The following NKAIN3 variants were observed in gnomAD, a reference collection of about 807,000 sequenced individuals.
NKAIN3 encodes sodium/potassium-transporting ATPase subunit beta-1-interacting protein 3.
Under a neutral mutation model 30.2 loss-of-function variants are expected in NKAIN3, and 25 were observed. The ratio of observed to expected loss-of-function variants is 0.83; its 90% CI spans 0.60 to 1.16. The LOEUF is 1.16. Ranked by LOEUF, NKAIN3 falls within the 50% of genes most tolerant of loss-of-function variation. NKAIN3 has a pLI of 0.00. For missense variants in NKAIN3, 225 were observed against 254.1 expected (o/e 0.89, Z 0.78); for synonymous variants, 91 against 89.6 (o/e 1.02, Z -0.09).
chr8:62,745,460 G>A (rs1192381244), intron 3 of NKAIN3, among the ~76,000 whole-genome samples: 2 of 152,154 alleles, frequency 1.3e-5, no homozygotes, highest in Non-Finnish European at 2.9e-5. Flanking sequence ...GTCCTTGCCC[G>A]GGGACTGCTT....
intron 5 of NKAIN3, chr8:62,990,935 G>A (rs985734490): frequency 1.3e-5 from 2 of 152,208 alleles, no homozygotes; most frequent in African/African-American, 4.8e-5. Flanking sequence ...AAGGATGTGA[G>A]ATCATGGTGC....
intron 3 of NKAIN3, among the ~76,000 whole-genome samples, chr8:62,607,343 ACCC>A (rs1479512218): frequency 6.6e-6 from 1 of 151,956 alleles, no homozygotes. Context: ...CTGAATGCAC[ACCC>A]CCTGCTGGGG....
chr8:62,988,127 G>T (rs547929762), downstream of NKAIN3, among the ~76,000 whole-genome samples: 26 of 152,336 alleles, frequency 1.7e-4, no homozygotes, highest in South Asian at 2.9e-3. Context: ...CAAGAGGTGG[G>T]CTCCCACAGC....
At chr8:62,665,426 C>T (rs1039668587) in intron 3 of NKAIN3, among the ~76,000 whole-genome samples, 8 of 152,036 alleles carry the variant, frequency 5.3e-5, no homozygotes, top group Non-Finnish European at 7.4e-5. Context: ...TTCCAAGCTG[C>T]TGGGAGAGGT....
intron 1 of NKAIN3, among the ~76,000 whole-genome samples, chr8:62,551,192 T>A (rs2129935754): frequency 6.6e-6 from 1 of 152,280 alleles, no homozygotes; most frequent in Non-Finnish European, 1.5e-5. Context: ...TACATTAATT[T>A]TTTTTAATGG....
chr8:62,406,124 G>A (rs544600305), intron 1 of NKAIN3, among the ~76,000 whole-genome samples: 6 of 152,294 alleles, frequency 3.9e-5, no homozygotes, highest in African/African-American at 1.4e-4. Flanking sequence ...CCAAAGAGAA[G>A]TCACTCCTTA....
chr8:62,776,928 AG>A lies in NKAIN3; in HGVS notation c.471+29800del, dbSNP rs550397882. Among the ~76,000 whole-genome samples the A allele has an allele frequency of 3.9e-5, 6 of 152,258 alleles. 1 individual carries two copies. In the South Asian group the frequency reaches 1.2e-3, roughly 32 times the overall value. ...AAGTTTTTCAGCTTTTGTCTGAGAA[AG>A]TCTTTATTTCTCCTTCATGTTTAAA... On this transcript the variant is annotated intron_variant, in intron 4 of 6. Coordinates refer to ENST00000623646, the MANE Select transcript of NKAIN3 (RefSeq NM_001304533.3).
intron 1 of NKAIN3, among the ~76,000 whole-genome samples, chr8:62,576,315 C>T (rs1810107662): frequency 6.6e-6 from 1 of 152,030 alleles, no homozygotes; most frequent in Admixed American, 6.6e-5. Flanking sequence ...ATGCATTTTT[C>T]TTTAGGTCTG....
intron 3 of NKAIN3, among the ~76,000 whole-genome samples, chr8:62,606,678 A>G (rs999014531): frequency 2.0e-5 from 3 of 152,308 alleles, no homozygotes; most frequent in Admixed American, 1.3e-4. Flanking sequence ...TAAATGGGCC[A>G]TCTGATGTTT....
At chr8:62,987,085 G>A (rs987023841), downstream of NKAIN3, among the ~76,000 whole-genome samples, 8 of 152,076 alleles carry the variant, frequency 5.3e-5, no homozygotes, top group Non-Finnish European at 1.0e-4. Context: ...TACTAAAAGT[G>A]CACTCAATAT....
intron 2 of NKAIN3, among the ~76,000 whole-genome samples, chr8:62,582,434 A>C (rs1810333890): frequency 6.6e-6 from 1 of 152,142 alleles, no homozygotes; most frequent in Admixed American, 6.5e-5. Context: ...AGTGATACGA[A>C]GGAGCACACT....
intron 3 of NKAIN3, among the ~76,000 whole-genome samples, chr8:62,727,999 C>T (rs181394634): frequency 3.3e-5 from 5 of 152,126 alleles, no homozygotes; most frequent in Middle Eastern, 3.4e-3. Context: ...AGTTTTGTAA[C>T]TATATTATAT....
intron 3 of NKAIN3, among the ~76,000 whole-genome samples, chr8:62,644,119 T>A (rs1812389173): frequency 6.6e-6 from 1 of 152,040 alleles, no homozygotes; most frequent in Admixed American, 6.6e-5. Flanking sequence ...GCTGCTGGGG[T>A]CCCTTGACTT....
chr8:62,436,706 A>C (rs1020797729), intron 1 of NKAIN3, among the ~76,000 whole-genome samples: 10 of 152,202 alleles, frequency 6.6e-5, no homozygotes, highest in African/African-American at 2.4e-4. Context: ...TTTTTAAAAA[A>C]TAATGATGTT....
chr8:62,434,787 C>A (rs1805118322), intron 1 of NKAIN3, among the ~76,000 whole-genome samples: 1 of 152,136 alleles, frequency 6.6e-6, no homozygotes, highest in Admixed American at 6.6e-5. Flanking sequence ...ATCTGGGAAA[C>A]ACTGCAATCT....
Position 62,435,554 on chromosome 8 carries a change from G to T in NKAIN3, c.55-143985G>T, listed in dbSNP as rs377582064. Among the ~76,000 whole-genome samples, 27 of 152,188 alleles carry T rather than the reference G, an allele frequency of 1.8e-4. No homozygotes were observed. The East Asian group carries it at 4.4e-3, about 25-fold the overall frequency. ...CCATATCTTTACAAACAAACGAAGG[G>T]GAGTTGTTGCTAAAAAATCACTATG... On this transcript the variant is annotated intron_variant, in intron 1 of 6. Coordinates refer to ENST00000623646, the MANE Select transcript of NKAIN3 (RefSeq NM_001304533.3).
intron 1 of NKAIN3, among the ~76,000 whole-genome samples, chr8:62,376,600 A>G (rs16928815): frequency 0.14 from 21,030 of 152,072 alleles, 1,738 homozygotes; most frequent in East Asian, 0.4. Context: ...TGCTCTCTGT[A>G]ACATTGTACC....
intron 4 of NKAIN3, among the ~76,000 whole-genome samples, chr8:62,808,227 T>C (rs1465915140): frequency 6.6e-6 from 1 of 152,206 alleles, no homozygotes; most frequent in Non-Finnish European, 1.5e-5. Context: ...TACTTTGGGT[T>C]CTATTTTCCT....
rs1467051787 is a variant in NKAIN3 at position 62,462,406 on chromosome 8, AATGTGGGGAGCTTC to A, written c.55-117130_55-117117del. The stretch of plus-strand genomic sequence containing the variant: ...GTTCATTGCTATTAGCAATGCATGG[AATGTGGGGAGCTTC>A]ATCCTTGAACTAATTATTTGTTGAC... On this transcript the variant is annotated intron_variant, in intron 1 of 6. Coordinates refer to ENST00000623646, the MANE Select transcript of NKAIN3 (RefSeq NM_001304533.3). Among the ~76,000 whole-genome samples the A allele has an allele frequency of 1.3e-5, 2 of 152,162 alleles. 1 individual carries two copies. The highest frequency in any genetic ancestry group is 2.9e-5 in the Non-Finnish European group (2 of 68,028).
Sources: allele counts gnomAD v4.1 joint callset (sites outside exome capture counted in the v4.1 genomes callset), GRCh38; gene constraint gnomAD v4.1.1; transcripts MANE v1.5; gene names NCBI Gene and HGNC (gene_info 2026-07-23, HGNC 2026-07-21).